CPED1: variants seen among roughly 807,000 people sequenced by gnomAD.
CPED1 encodes the protein cadherin like and PC-esterase domain containing 1.
CPED1 carries 114 observed loss-of-function variants against 128.2 expected under a neutral mutation model. That is an observed-to-expected ratio of 0.89 (90% CI 0.76 to 1.04). CPED1 has a LOEUF of 1.04. Ranked by LOEUF, CPED1 falls within the 50% of genes least tolerant of loss-of-function variation. The pLI is 0.00. For synonymous variants in CPED1, 462 were observed against 426.7 expected, an observed-to-expected ratio of 1.08 and a Z score of -1.02; for missense variants, 1,211 against 1,207.1, an observed-to-expected ratio of 1.00 and a Z score of -0.05.
At chr7:121,073,666 G>T (rs1014087871) in intron 5 of CPED1, among the ~76,000 whole-genome samples, 2 of 152,044 alleles carry the variant, frequency 1.3e-5, no homozygotes, top group African/African-American at 4.8e-5. Context: ...TCTTCTTCAT[G>T]ATCTGGTACT....
chr7:121,227,256 A>G (rs1049645693), intron 16 of CPED1, among the ~76,000 whole-genome samples: 9 of 151,764 alleles, frequency 5.9e-5, no homozygotes, highest in East Asian at 3.9e-4. Context: ...ACCTACATCC[A>G]TCCGTTTCTT....
intron 4 of CPED1, among the ~76,000 whole-genome samples, chr7:121,047,715 C>CTTCTTCTTCT (rs1563005068): frequency 1.3e-5 from 1 of 76,064 alleles, no homozygotes; most frequent in Non-Finnish European, 2.7e-5. Context: ...TCTTCTTCTT[C>CTTCTTCTTCT]TTTTTTTTTT....
chr7:121,110,915 A>T (rs1312161696), intron 7 of CPED1, among the ~76,000 whole-genome samples: 1 of 152,164 alleles, frequency 6.6e-6, no homozygotes, highest in Non-Finnish European at 1.5e-5. Context: ...TGGTAGTCTA[A>T]AAAAGGAGAA....
chr7:121,215,360 A>T (rs974753114), intron 16 of CPED1, among the ~76,000 whole-genome samples: 5 of 152,094 alleles, frequency 3.3e-5, no homozygotes, highest in African/African-American at 4.8e-5. Context: ...GCAAGTATTT[A>T]TTATTGCAAC....
chr7:121,217,993 T>TC (rs1797794549), intron 16 of CPED1, among the ~76,000 whole-genome samples: 1 of 151,208 alleles, frequency 6.6e-6, no homozygotes, highest in South Asian at 2.1e-4. Context: ...TGCCAATTTT[T>TC]TTTTTTTTTG....
At chr7:121,200,294 G>T (rs1358264725) in intron 16 of CPED1, among the ~76,000 whole-genome samples, 2 of 152,112 alleles carry the variant, frequency 1.3e-5, no homozygotes, top group Non-Finnish European at 2.9e-5. Flanking sequence ...CTGGGTTAAA[G>T]AAATTTTCTC....
rs776172827 is a variant in CPED1 at position 121,124,478 on chromosome 7, A to G, written c.1061+5A>G. 4.1e-6 allele frequency: 6 copies of G among 1,457,626 alleles called. No individual in the cohort carries two copies. Among genetic ancestry groups the G allele is most frequent in the Non-Finnish European group, 5.5e-6 (6 of 1,097,506 alleles). The allele number at this position is 1,457,626 out of a possible 1,614,324, so 90.3% of individuals were successfully genotyped here. On this transcript the variant is annotated splice_donor_5th_base_variant and intron_variant, in intron 8 of 22. Coordinates refer to ENST00000310396, the MANE Select transcript of CPED1 (RefSeq NM_024913.5). Reference sequence around the variant, plus strand: ...GGGACCAAAGACCTTCCATAGGTAAAAAACAAATTTTAATTTAAAAAAAAA... The same window carrying G: ...GGGACCAAAGACCTTCCATAGGTAAGAAACAAATTTTAATTTAAAAAAAAA...
chr7:120,997,312 T>C (rs999635671), intron 2 of CPED1, among the ~76,000 whole-genome samples: 2 of 152,258 alleles, frequency 1.3e-5, no homozygotes, highest in African/African-American at 2.4e-5. Context: ...AACATCTTTC[T>C]TTTTTAAGTG....
At chr7:121,036,996 G>A (rs1792912851) in intron 3 of CPED1, among the ~76,000 whole-genome samples, 2 of 151,704 alleles carry the variant, frequency 1.3e-5, no homozygotes, top group Admixed American at 1.3e-4. Context: ...TGTTTGTTTT[G>A]GTCTTGCTGA....
intron 5 of CPED1, among the ~76,000 whole-genome samples, chr7:121,089,272 A>G (rs1584504155): frequency 6.6e-6 from 1 of 152,204 alleles, no homozygotes; most frequent in Non-Finnish European, 1.5e-5. Flanking sequence ...CAAGGTCTAT[A>G]TTCTTACCTC....
intron 3 of CPED1, among the ~76,000 whole-genome samples, chr7:121,028,931 C>A (rs1488103179): frequency 6.6e-6 from 1 of 152,072 alleles, no homozygotes; most frequent in African/African-American, 2.4e-5. Flanking sequence ...AGTTTTCTAG[C>A]TTGCTTTCTT....
intron 16 of CPED1, among the ~76,000 whole-genome samples, chr7:121,178,720 C>T (rs1031967625): frequency 2.0e-5 from 3 of 151,924 alleles, no homozygotes; most frequent in African/African-American, 7.3e-5. Flanking sequence ...ATGGTGCCTC[C>T]AAAAATACAC....
chr7:121,124,505 GA>G (rs1795457628), intron 8 of CPED1, 32 bp downstream of exon 8: 8 of 1,360,668 alleles, frequency 5.9e-6, no homozygotes, highest in East Asian at 5.6e-5. Flanking sequence ...AAAAAAAAAA[GA>G]AAAGAAAGAA....
chr7:121,246,035 C>CCTT (rs1007437950), intron 18 of CPED1, among the ~76,000 whole-genome samples: 1 of 152,164 alleles, frequency 6.6e-6, no homozygotes, highest in African/African-American at 2.4e-5. Flanking sequence ...AATCCAGCCT[C>CCTT]CATATCCTAT....
chr7:121,079,314 G>T (rs73215345), intron 5 of CPED1, among the ~76,000 whole-genome samples: 1 of 152,150 alleles, frequency 6.6e-6, no homozygotes, highest in African/African-American at 2.4e-5. Flanking sequence ...AACAATAGAT[G>T]TGTATTAGTA....
At chr7:121,293,887 T>G (rs1248420644) in intron 22 of CPED1, among the ~76,000 whole-genome samples, 1 of 152,032 alleles carries the variant, frequency 6.6e-6, no homozygotes, top group Non-Finnish European at 1.5e-5. Context: ...CAGTTGGAAA[T>G]GCAGAAATCA....
At chr7:121,164,422 C>G (rs927457228) in intron 16 of CPED1, among the ~76,000 whole-genome samples, 5 of 152,204 alleles carry the variant, frequency 3.3e-5, no homozygotes, top group Non-Finnish European at 5.9e-5. Flanking sequence ...TCGTTCCTCT[C>G]TTGTCACTGC....
At chr7:121,083,361 G>A (rs572248602) in intron 5 of CPED1, among the ~76,000 whole-genome samples, 1 of 152,208 alleles carries the variant, frequency 6.6e-6, no homozygotes, top group Admixed American at 6.5e-5. Context: ...CACTTGGAAG[G>A]GCCAAGAATT....
intron 6 of CPED1, among the ~76,000 whole-genome samples, chr7:121,098,668 G>T (rs535989297): frequency 1.3e-5 from 2 of 150,068 alleles, no homozygotes; most frequent in South Asian, 4.2e-4. Flanking sequence ...CGAAGTGGAG[G>T]CTGCAGTGAG....
Sources: allele counts gnomAD v4.1 joint callset (sites outside exome capture counted in the v4.1 genomes callset), GRCh38; gene constraint gnomAD v4.1.1; transcripts MANE v1.5; gene names NCBI Gene and HGNC (gene_info 2026-07-23, HGNC 2026-07-21).